The following CFAP44 variants were observed in gnomAD, a reference collection of about 807,000 sequenced individuals.
CFAP44 encodes the protein cilia and flagella associated protein 44, also known as cilia- and flagella-associated protein 44.
CFAP44 carries 134 observed loss-of-function variants against 216.2 expected under a neutral mutation model. That is an observed-to-expected ratio of 0.62 (90% CI 0.54 to 0.72). The LOEUF is 0.72. Ranked by LOEUF, CFAP44 falls within the 30% of genes least tolerant of loss-of-function variation. The probability of loss-of-function intolerance (pLI) is 0.00; values close to 1 mark genes in which losing one functional copy is unlikely to be tolerated. For synonymous variants in CFAP44, 700 were observed against 727.6 expected (o/e 0.96, Z 0.61); for missense variants, 2,035 against 2,182.1 (o/e 0.93, Z 1.34).
At chr3:113,318,469 AAAG>A (rs1376226603) in intron 28 of CFAP44, among the ~76,000 whole-genome samples, 3 of 152,196 alleles carry the variant, frequency 2.0e-5, no homozygotes, top group East Asian at 1.9e-4. Context: ...TACTCCTGAG[AAAG>A]AAGGAGAATA....
Position 113,341,842 on chromosome 3 carries a change from G to T in CFAP44, c.3339C>A (p.Ile1113=), listed in dbSNP as rs1414924622. Residue 1113 remains isoleucine, a synonymous_variant, in exon 24 of 35, where the codon ATC becomes ATA. Coordinates refer to ENST00000393845, the MANE Select transcript of CFAP44 (RefSeq NM_001164496.2). The stretch of plus-strand genomic sequence containing the variant: ...TTTTCTCAATTTGATTTTCCACGAT[G>T]ATTTCACTTAGGGTTTTAGGCCGAA... The part of the protein sequence containing the change: ...KKFRPKTLSE[I]IVENQIEKTR... 2 of 1,531,880 alleles carry T rather than the reference G, an allele frequency of 1.3e-6. No individual in the cohort carries two copies. The highest frequency in any genetic ancestry group is 1.7e-6 in the Non-Finnish European group (2 of 1,145,746). 94.9% of individuals were successfully genotyped at this position (1,531,880 alleles called of 1,614,324 possible). A position where few individuals can be genotyped will look rare whatever the true frequency, so the allele number is the denominator to read the frequency against.
rs747534432 is a variant in CFAP44, at chr3:113,363,629, G to A, written c.2716-97C>T. On this transcript the variant is annotated intron_variant, in intron 19 of 34. Transcript: ENST00000393845. ...GTAAATTAAAAACTCAAATTGGTTC[G>A]GTTTTCTTTTTCTGCCAATTTCTAA... is the stretch of plus-strand genomic sequence containing the variant. 20 of 1,131,200 alleles carry A rather than the reference G, an allele frequency of 1.8e-5. No homozygotes were observed. The South Asian group carries it at 2.6e-4, about 15-fold the overall frequency. 70.1% of individuals were successfully genotyped at this position (1,131,200 alleles called of 1,614,324 possible). A position where few individuals can be genotyped will look rare whatever the true frequency, so the allele number is the denominator to read the frequency against.
At chr3:113,390,328 G>A (rs1171092644) in intron 15 of CFAP44, among the ~76,000 whole-genome samples, 4 of 152,040 alleles carry the variant, frequency 2.6e-5, no homozygotes, top group African/African-American at 9.7e-5. Context: ...AAAAGACTGG[G>A]TAGAGAAGGA....
intron 8 of CFAP44, among the ~76,000 whole-genome samples, chr3:113,405,660 T>C (rs575105349): frequency 1.6e-3 from 241 of 152,330 alleles, no homozygotes; most frequent in African/African-American, 5.4e-3. Context: ...TCTAAAAATT[T>C]GATATTTATT....
chr3:113,347,848 C>T (rs1046837648), intron 22 of CFAP44, among the ~76,000 whole-genome samples: 4 of 152,036 alleles, frequency 2.6e-5, no homozygotes, highest in African/African-American at 9.7e-5. Flanking sequence ...GGTAAAGTCC[C>T]GATACTAACA....
At chr3:113,297,186 G>A (rs6794200) in intron 32 of CFAP44, among the ~76,000 whole-genome samples, 5,097 of 151,948 alleles carry the variant, frequency 0.034, 264 homozygotes, top group African/African-American at 0.11. Flanking sequence ...GAGCTTGTCA[G>A]TTTTTTCAAA....
At chr3:113,409,711 A>G (rs7636912) in intron 6 of CFAP44, among the ~76,000 whole-genome samples, 10,988 of 152,240 alleles carry the variant, frequency 0.072, 452 homozygotes, top group East Asian at 0.15. Context: ...TGGGCTTTCT[A>G]ACTCACCAGA....
intron 21 of CFAP44, chr3:113,360,994 A>C: frequency 3.5e-6 from 1 of 288,070 alleles, no homozygotes; most frequent in Admixed American, 3.8e-5. Context: ...TTGGTTGCAG[A>C]CCAGGTTCTG....
chr3:113,302,634 G>A (rs1012520016), intron 32 of CFAP44, among the ~76,000 whole-genome samples: 7 of 150,668 alleles, frequency 4.6e-5, no homozygotes, highest in Non-Finnish European at 1.0e-4. Flanking sequence ...GGTGGCAGGC[G>A]CCTGTAATCC....
chr3:113,427,208 CATA>C lies in CFAP44; in HGVS notation c.229_231del (p.Tyr77del), dbSNP rs756009483. The C allele has an allele frequency of 6.2e-7, 1 of 1,613,108 alleles. No homozygotes were observed. Among genetic ancestry groups the C allele is most frequent in the East Asian group, 2.2e-5 (1 of 44,806 alleles). ...CTACCTGTAGTGCTTTGCAAATCACCATACTGAAATGAACTCAAACTTCCTTCC... is the reference window on the plus strand; with the variant it reads ...CTACCTGTAGTGCTTTGCAAATCACCCTGAAATGAACTCAAACTTCCTTCC... On this transcript the variant is annotated inframe_deletion, in exon 3 of 35. Coordinates refer to ENST00000393845, the MANE Select transcript of CFAP44 (RefSeq NM_001164496.2).
chr3:113,431,232 A>G (rs1303254367), intron 2 of CFAP44, among the ~76,000 whole-genome samples: 4 of 152,144 alleles, frequency 2.6e-5, no homozygotes, highest in Non-Finnish European at 4.4e-5. Flanking sequence ...GGATGTTCAG[A>G]ATGCCAGAAA....
At chr3:113,315,806 G>A (rs930504421) in intron 28 of CFAP44, among the ~76,000 whole-genome samples, 1 of 152,148 alleles carries the variant, frequency 6.6e-6, no homozygotes, top group Non-Finnish European at 1.5e-5. Flanking sequence ...TATAAAATAG[G>A]TTTTGTTTTA....
At chr3:113,436,145 T>C (rs1306587464) in intron 1 of CFAP44, among the ~76,000 whole-genome samples, 1 of 152,200 alleles carries the variant, frequency 6.6e-6, no homozygotes, top group African/African-American at 2.4e-5. Context: ...AAAAGCAGTC[T>C]AGTGTGTTGG....
At chr3:113,385,503 C>A (rs573212327) in intron 15 of CFAP44, among the ~76,000 whole-genome samples, 1 of 152,166 alleles carries the variant, frequency 6.6e-6, no homozygotes, top group Non-Finnish European at 1.5e-5. Flanking sequence ...GTGGTAAAAA[C>A]AACATTTGAT....
At chr3:113,370,933 G>A (rs58863869) in intron 18 of CFAP44, among the ~76,000 whole-genome samples, 11,108 of 149,830 alleles carry the variant, frequency 0.074, 504 homozygotes, top group East Asian at 0.14. Context: ...CTATACAGCA[G>A]TAACAGACAA....
intron 24 of CFAP44, among the ~76,000 whole-genome samples, chr3:113,340,033 C>T (rs1350035945): frequency 2.6e-5 from 4 of 152,166 alleles, no homozygotes; most frequent in African/African-American, 4.8e-5. Context: ...AGCACATGTC[C>T]ATTGGCCCTG....
At position 113,391,538 on chromosome 3, in the gene CFAP44, C is replaced by T. The variant is rs1193495025; in HGVS notation, c.1890+4212G>A. 3.2e-4 allele frequency among the ~76,000 whole-genome samples: 49 copies of T among 152,104 alleles called. 1 individual carries two copies. The highest frequency in any genetic ancestry group is 3.2e-3 in the Admixed American group (49 of 15,270). ...CCTTCTGCGCAGCAAAGGAAGACAT[C>T]AATAAAGTGAAGAGAATTTCTTTTA... On this transcript the variant is annotated intron_variant, in intron 15 of 34. Transcript: ENST00000393845.
At chr3:113,302,341 T>C (rs1398193106) in intron 32 of CFAP44, among the ~76,000 whole-genome samples, 2 of 151,500 alleles carry the variant, frequency 1.3e-5, no homozygotes, top group Non-Finnish European at 2.9e-5. Flanking sequence ...AATGGATTTC[T>C]TAAGCAAGAC....
At chr3:113,334,489 C>T (rs1379093617) in intron 24 of CFAP44, among the ~76,000 whole-genome samples, 1 of 152,072 alleles carries the variant, frequency 6.6e-6, no homozygotes, top group African/African-American at 2.4e-5. Context: ...GATGAAATTA[C>T]ATTAATGAAT....
Sources: allele counts gnomAD v4.1 joint callset (sites outside exome capture counted in the v4.1 genomes callset), GRCh38; gene constraint gnomAD v4.1.1; transcripts MANE v1.5; gene names NCBI Gene and HGNC (gene_info 2026-07-23, HGNC 2026-07-21).